Variants in SLC30A6 observed in about 807,000 individuals in gnomAD.
The protein encoded by SLC30A6 is solute carrier family 30 member 6.
Under a neutral mutation model 63.0 loss-of-function variants are expected in SLC30A6, and 55 were observed. The observed-to-expected ratio is 0.87, with a 90% confidence interval of 0.70 to 1.09. The LOEUF (loss-of-function observed/expected upper bound fraction) is 1.09, where lower values mean the gene tolerates loss of function less well. SLC30A6 is among the 50% of genes least tolerant of loss of function. The pLI, the probability that SLC30A6 is intolerant of heterozygous loss-of-function variation, is 0.00. For missense variants in SLC30A6, 587 were observed against 549.2 expected, an observed-to-expected ratio of 1.07 and a Z score of -0.69; for synonymous variants, 224 against 186.1, an observed-to-expected ratio of 1.20 and a Z score of -1.66.
intron 5 of SLC30A6, among the ~76,000 whole-genome samples, chr2:32,186,197 G>A (rs1160536623): frequency 1.3e-5 from 2 of 152,114 alleles, no homozygotes; most frequent in Non-Finnish European, 2.9e-5. Context: ...ACCACACCCA[G>A]TTAATTTTTA....
chr2:32,181,867 CA>C (rs951134556), intron 4 of SLC30A6, among the ~76,000 whole-genome samples: 30 of 123,180 alleles, frequency 2.4e-4, no homozygotes, highest in African/African-American at 7.2e-4. Flanking sequence ...GACTCCGTCT[CA>C]AAAAAAAAAC....
intron 13 of SLC30A6, among the ~76,000 whole-genome samples, chr2:32,216,820 A>C (rs1212916552): frequency 6.6e-6 from 1 of 151,474 alleles, no homozygotes; most frequent in Non-Finnish European, 1.5e-5. Context: ...TGTCTGATGC[A>C]TAGTTTGCAA....
Position 32,204,671 on chromosome 2 carries a change from C to G in SLC30A6, c.747C>G (p.Tyr249Ter), listed in dbSNP as rs1684588166. 2 of 1,609,368 alleles carry G rather than the reference C, an allele frequency of 1.2e-6. No homozygotes were observed. Among genetic ancestry groups the G allele is most frequent in the Non-Finnish European group, 1.7e-6 (2 of 1,176,946 alleles). Residue 249 changes from tyrosine (Y) to a stop codon, truncating the protein, a stop_gained, in exon 11 of 14, where the codon TAC (tyrosine) becomes TAG (stop). Coordinates refer to ENST00000282587, the MANE Select transcript of SLC30A6 (RefSeq NM_017964.5). LOFTEE classifies it high-confidence loss of function. ...TFGTMYPMSVYSGKVLLQTTP... is the reference protein window; with the variant it reads ...TFGTMYPMSV ...GCACTATGTATCCCATGAGTGTGTA[C>G]AGTGGGAAAGTCTTACTCCAGGTAA...
intron 13 of SLC30A6, among the ~76,000 whole-genome samples, chr2:32,218,799 C>T (rs993991782): frequency 1.3e-5 from 2 of 152,070 alleles, no homozygotes; most frequent in African/African-American, 4.8e-5. Flanking sequence ...TCAGGTGATC[C>T]ACCTGCCTTG....
At chr2:32,202,836 G>A (rs1197138006) in intron 10 of SLC30A6, 14 of 831,298 alleles carry the variant, frequency 1.7e-5, no homozygotes, top group African/African-American at 3.4e-5. Flanking sequence ...ATCCAGATAC[G>A]AACAGATTGA....
intron 8 of SLC30A6, 90 bp downstream of exon 8, chr2:32,194,073 A>C (rs895835003): frequency 1.9e-6 from 2 of 1,034,380 alleles, no homozygotes; most frequent in Non-Finnish European, 2.8e-6. Context: ...CAGATCAATG[A>C]AGAAGTATAT....
chr2:32,216,302 G>A (rs370005960), intron 13 of SLC30A6, among the ~76,000 whole-genome samples: 1 of 152,188 alleles, frequency 6.6e-6, no homozygotes, highest in African/African-American at 2.4e-5. Context: ...TTGGGAGGCC[G>A]AGGCAGGCAG....
chr2:32,219,306 G>T (rs973194355), intron 13 of SLC30A6, among the ~76,000 whole-genome samples: 1 of 151,900 alleles, frequency 6.6e-6, no homozygotes, highest in Admixed American at 6.6e-5. Context: ...AAAGTGCTGG[G>T]ATTACAGGCG....
chr2:32,188,430 A>C (rs769615715), intron 5 of SLC30A6, among the ~76,000 whole-genome samples: 12 of 152,170 alleles, frequency 7.9e-5, no homozygotes, highest in Non-Finnish European at 1.3e-4. Context: ...GTGGTGGCTT[A>C]TGCCTATAAT....
At chr2:32,180,590 G>A (rs1682217554) in intron 4 of SLC30A6, among the ~76,000 whole-genome samples, 1 of 151,914 alleles carries the variant, frequency 6.6e-6, no homozygotes, top group African/African-American at 2.4e-5. Flanking sequence ...CCACCACCAT[G>A]CCCGGCTAAT....
At chr2:32,192,477 A>T in intron 6 of SLC30A6, 61 bp downstream of exon 6, 1 of 1,434,546 alleles carries the variant, frequency 7.0e-7, no homozygotes, top group Non-Finnish European at 9.7e-7. Context: ...ACATGAAAGA[A>T]ACCCGTCAGA....
At chr2:32,179,215 G>A (rs1056618775) in intron 4 of SLC30A6, among the ~76,000 whole-genome samples, 4 of 152,214 alleles carry the variant, frequency 2.6e-5, no homozygotes, top group African/African-American at 7.2e-5. Flanking sequence ...GCAGCATCTC[G>A]AGGGCAATTT....
chr2:32,213,250 A>G (rs1013942151), intron 13 of SLC30A6, among the ~76,000 whole-genome samples: 1 of 149,612 alleles, frequency 6.7e-6, no homozygotes, highest in African/African-American at 2.5e-5. Flanking sequence ...CTTTGTCTCA[A>G]CTGTACTACT....
chr2:32,190,298 A>G (rs931366451), intron 5 of SLC30A6, among the ~76,000 whole-genome samples: 3 of 151,952 alleles, frequency 2.0e-5, no homozygotes, highest in Non-Finnish European at 4.4e-5. Context: ...ATCTCTACTA[A>G]AAATACTAAA....
At chr2:32,173,138 G>T (rs1028296040) in intron 2 of SLC30A6, among the ~76,000 whole-genome samples, 2 of 151,952 alleles carry the variant, frequency 1.3e-5, no homozygotes, top group African/African-American at 4.8e-5. Context: ...CCACTCTCAG[G>T]GCTGCTTCAT....
In SLC30A6 at chr2:32,181,804, G is replaced by A. The variant is rs1305287363; in HGVS notation, c.219-2469G>A. Among the ~76,000 whole-genome samples the A allele has an allele frequency of 5.9e-5, 9 of 151,958 alleles. No homozygotes were observed. The East Asian group carries it at 1.7e-3, about 29-fold the overall frequency. On this transcript the variant is annotated intron_variant, in intron 4 of 13. Transcript: ENST00000282587. Reference sequence around the variant, plus strand: ...AATCGCTTGAGCCTGGGAGGTGGAGGTTGCAGTGAGCCAGGATTGTGCCAC... The same window carrying A: ...AATCGCTTGAGCCTGGGAGGTGGAGATTGCAGTGAGCCAGGATTGTGCCAC...
intron 5 of SLC30A6, among the ~76,000 whole-genome samples, chr2:32,184,687 C>T (rs545240962): frequency 1.3e-5 from 2 of 152,278 alleles, no homozygotes; most frequent in South Asian, 4.1e-4. Context: ...ATCGCTGGAA[C>T]CCAGGAGACG....
chr2:32,204,587 TA>T lies in SLC30A6; in HGVS notation c.666-2del. On this transcript the variant is annotated splice_acceptor_variant, in intron 10 of 13. Coordinates refer to ENST00000282587, the MANE Select transcript of SLC30A6 (RefSeq NM_017964.5). LOFTEE classifies it high-confidence loss of function. ...AAAATTTAGAATTGTTTTTTCCTTT[TA>T]GTAATTATTTTGCCGTAGACACTGC... 1 of 1,602,430 alleles carries T rather than the reference TA, an allele frequency of 6.2e-7. No individual in the cohort carries two copies. The highest frequency in any genetic ancestry group is 8.5e-7 in the Non-Finnish European group (1 of 1,171,096).
intron 13 of SLC30A6, 64 bp from the exon 14 acceptor site, chr2:32,220,149 T>A: frequency 6.6e-7 from 1 of 1,504,124 alleles, no homozygotes; most frequent in Non-Finnish European, 8.9e-7. Flanking sequence ...AAATGTTTTA[T>A]CTAATGAATT....
Sources: allele counts gnomAD v4.1 joint callset (sites outside exome capture counted in the v4.1 genomes callset), GRCh38; gene constraint gnomAD v4.1.1; transcripts MANE v1.5; gene names NCBI Gene and HGNC (gene_info 2026-07-23, HGNC 2026-07-21).